AP3D1: variants seen among roughly 807,000 people sequenced by gnomAD.
The protein encoded by AP3D1 is adaptor related protein complex 3 subunit delta 1.
A neutral mutation model predicts 147.6 loss-of-function variants in AP3D1; 51 were observed. The observed-to-expected ratio is 0.35, with a 90% CI of 0.28 to 0.44. The LOEUF (loss-of-function observed/expected upper bound fraction) is 0.44. Ranked by LOEUF, AP3D1 falls within the 20% of genes least tolerant of loss-of-function variation. The probability of loss-of-function intolerance (pLI) is 1.00; values close to 1 mark genes in which losing one functional copy is unlikely to be tolerated. For synonymous variants in AP3D1, 760 were observed against 663.0 expected (o/e 1.15, Z -2.25); for missense variants, 1,421 against 1,624.2 (o/e 0.87, Z 2.15).
intron 23 of AP3D1, 116 bp from the exon 24 acceptor site, chr19:2,113,083 G>A: frequency 1.4e-6 from 1 of 721,564 alleles, no homozygotes; most frequent in Non-Finnish European, 2.3e-6. Flanking sequence ...TGCCTGAGAG[G>A]CCACAGTGCC....
chr19:2,114,942 G>A, intron 20 of AP3D1, 121 bp from the exon 21 acceptor site: 2 of 1,130,802 alleles, frequency 1.8e-6, no homozygotes, highest in South Asian at 2.6e-5. Context: ...GCAGTGACGT[G>A]GCTCCACCAG....
intron 1 of AP3D1, among the ~76,000 whole-genome samples, chr19:2,158,125 G>A (rs539572564): frequency 1.3e-5 from 2 of 151,778 alleles, no homozygotes; most frequent in Non-Finnish European, 2.9e-5. Context: ...GTGCGATCTC[G>A]GCTCACTGCA....
At chr19:2,107,386 C>T (rs79777512) in intron 31 of AP3D1, among the ~76,000 whole-genome samples, 7,079 of 152,114 alleles carry the variant, frequency 0.047, 267 homozygotes, top group East Asian at 0.21. Context: ...TGGAAATCCT[C>T]AGTATGCTCC....
chr19:2,155,569 C>T (rs1306052889), upstream of AP3D1, among the ~76,000 whole-genome samples: 1 of 148,076 alleles, frequency 6.8e-6, no homozygotes, highest in Non-Finnish European at 1.5e-5. Context: ...AAGTACCCAT[C>T]ATACTCCCTG....
At chr19:2,137,314 GT>G (rs113229005) in intron 3 of AP3D1, among the ~76,000 whole-genome samples, 454 of 146,272 alleles carry the variant, frequency 3.1e-3, no homozygotes, top group African/African-American at 8.5e-3. Flanking sequence ...ATATGTATGT[GT>G]TTTTTTTTTT....
At chr19:2,105,493 T>A (rs536369482) in intron 31 of AP3D1, among the ~76,000 whole-genome samples, 1 of 152,364 alleles carries the variant, frequency 6.6e-6, no homozygotes, top group African/African-American at 2.4e-5. Flanking sequence ...CCTATTCCTT[T>A]AATTCGGCCC....
At chr19:2,141,099 T>C (rs961903528) in intron 1 of AP3D1, among the ~76,000 whole-genome samples, 3 of 152,054 alleles carry the variant, frequency 2.0e-5, no homozygotes, top group Non-Finnish European at 2.9e-5. Context: ...TAGGGAGACA[T>C]GACCTAGACC....
At chr19:2,123,730 G>C in intron 10 of AP3D1, 100 bp downstream of exon 10, 1 of 1,411,478 alleles carries the variant, frequency 7.1e-7, no homozygotes, top group Non-Finnish European at 9.7e-7. Context: ...GGCGTGGGGG[G>C]ACCAGCACCT....
Position 2,134,502 on chromosome 19 carries a change from C to T in AP3D1, c.355-1924G>A, listed in dbSNP as rs556222752. ...CTTTAATTCCAGCACTTTGGGAGGC[C>T]GAGGCAGGCAGATCATGAGGTCAGG... is the stretch of plus-strand genomic sequence containing the variant. On this transcript the variant is annotated intron_variant, in intron 4 of 31. Coordinates refer to ENST00000643116, the MANE Select transcript of AP3D1 (RefSeq NM_001261826.3). Among the ~76,000 whole-genome samples the T allele has an allele frequency of 4.8e-4, 73 of 150,946 alleles. 1 individual carries two copies. The South Asian group carries it at 0.015, about 31-fold the overall frequency.
chr19:2,114,622 G>GGCCCCCCCCCCCCCCCCC, intron 21 of AP3D1, 126 bp downstream of exon 21: 3 of 665,748 alleles, frequency 4.5e-6, no homozygotes, highest in Non-Finnish European at 2.7e-6. Context: ...TCTGGGGAAG[G>GGCCCCCCCCCCCCCCCCC]CCCGCCCGCA....
chr19:2,156,262 T>G (rs1367102954), upstream of AP3D1, among the ~76,000 whole-genome samples: 1 of 152,068 alleles, frequency 6.6e-6, no homozygotes, highest in Non-Finnish European at 1.5e-5. Context: ...ACATTTGTCA[T>G]CAGTCCTAGC....
At chr19:2,163,764 G>C (rs1430895985) in intron 1 of AP3D1, among the ~76,000 whole-genome samples, 1 of 151,638 alleles carries the variant, frequency 6.6e-6, no homozygotes, top group East Asian at 1.9e-4. Flanking sequence ...GGACGTGCGT[G>C]CGTACGTTCG....
At position 2,116,682 on chromosome 19, in the gene AP3D1, T is replaced by C. The variant is rs1296433300; in HGVS notation, c.1924A>G (p.Arg642Gly). The change falls in exon 17 of 32, where the codon AGG (arginine) becomes GGG (glycine). Residue 642 changes from arginine to glycine, a missense_variant. Physicochemically the swap from Arg to Gly is moderately radical, Grantham distance 125 (BLOSUM62 -2). This residue lies in a region of AP3D1 where 791 missense variants were observed against 761.4 expected (regional missense o/e 1.04). Coordinates refer to ENST00000643116, the MANE Select transcript of AP3D1 (RefSeq NM_001261826.3). ...SDSESEDERP[R>G]AVFHEEEQRR... is the part of the protein sequence containing the mutation. ...TGCTCCTCCTCGTGGAAGACGGCCC[T>C]GGGCCTCTCGTCCTCTGACTCGCTG... 6.2e-7 allele frequency: 1 copy of C among 1,609,828 alleles called. No individual in the cohort carries two copies. Among genetic ancestry groups the C allele is most frequent in the Non-Finnish European group, 8.5e-7 (1 of 1,178,428 alleles).
intron 31 of AP3D1, among the ~76,000 whole-genome samples, chr19:2,105,174 A>T (rs1180766620): frequency 6.6e-6 from 1 of 152,234 alleles, no homozygotes; most frequent in Non-Finnish European, 1.5e-5. Flanking sequence ...CCATGAACCC[A>T]TCTGAATACG....
chr19:2,133,557 T>A (rs2019004042), intron 4 of AP3D1: 1 of 151,990 alleles, frequency 6.6e-6, no homozygotes, highest in African/African-American at 2.4e-5. Context: ...CAGGCTGGAA[T>A]GCAGTGGTGC....
intron 14 of AP3D1, among the ~76,000 whole-genome samples, chr19:2,120,504 C>A (rs115784794): frequency 1.5e-3 from 235 of 152,328 alleles, no homozygotes; most frequent in African/African-American, 5.4e-3. Context: ...AGAAGGGCTG[C>A]CACGCGCCCA....
chr19:2,156,352 A>G (rs1481424274), upstream of AP3D1, among the ~76,000 whole-genome samples: 1 of 151,882 alleles, frequency 6.6e-6, no homozygotes, highest in African/African-American at 2.4e-5. Flanking sequence ...ACCCAGCCAC[A>G]TATCAAATCA....
chr19:2,137,426 G>A lies in AP3D1; in HGVS notation c.273+301C>T, dbSNP rs71337085. On this transcript the variant is annotated intron_variant, in intron 3 of 31. Coordinates refer to ENST00000643116, the MANE Select transcript of AP3D1 (RefSeq NM_001261826.3). ...CCTCCCGGGTTCAAGCAATTCTCCT[G>A]TCTGAGCCTCCCAAGTAGCTAGGAT... 8.3e-3 allele frequency among the ~76,000 whole-genome samples: 1,266 copies of A among 151,800 alleles called. 13 individuals carry two copies. Among genetic ancestry groups the A allele is most frequent in the East Asian group, 0.031 (160 of 5,162 alleles).
rs759962100 is a variant in AP3D1, at chr19:2,127,186, A to T, written c.822T>A (p.Ser274=). The change falls in exon 9 of 32, where the codon TCT becomes TCA. Residue 274 remains serine, a synonymous_variant. Coordinates refer to ENST00000643116, the MANE Select transcript of AP3D1 (RefSeq NM_001261826.3). ...TNLIHSTSAM[S]LLYECVNTVI... ...CGGTGTTCACACATTCATAGAGGAG[A>T]GACATGGCAGACGTGCTAAGGAAAG... 4.3e-6 allele frequency: 7 copies of T among 1,613,702 alleles called. No homozygotes were observed.
Sources: gnomAD v4.1 joint callset for allele counts (sites outside exome capture counted in the v4.1 genomes callset) on GRCh38, gnomAD v4.1.1 for gene constraint, gnomAD v4.1.1 regional missense constraint, MANE v1.5 for transcripts, NCBI Gene and HGNC (gene_info 2026-07-23, HGNC 2026-07-21) for gene names.